KRIT1: variants seen among roughly 807,000 people sequenced by gnomAD.
KRIT1 encodes KRIT1 ankyrin repeat containing, also known as krev interaction trapped protein 1.
In KRIT1, 45 loss-of-function variants were observed where a neutral mutation model predicts 95.8. The observed-to-expected ratio is 0.47, with a 90% CI of 0.37 to 0.60. The LOEUF (loss-of-function observed/expected upper bound fraction) is 0.60. KRIT1 is among the 20% of genes least tolerant of loss of function. KRIT1 has a pLI of 0.00. For synonymous variants in KRIT1, 282 were observed against 278.8 expected (o/e 1.01, Z -0.11); for missense variants, 788 against 877.5 (o/e 0.90, Z 1.29).
chr7:92,212,121 A>C (rs78813715), intron 17 of KRIT1, among the ~76,000 whole-genome samples: 1,844 of 152,176 alleles, frequency 0.012, 21 homozygotes, highest in Non-Finnish European at 0.017. Context: ...TAAATACATA[A>C]ATAAAAAAAT....
At chr7:92,213,050 T>C in intron 17 of KRIT1, 145 bp downstream of exon 17, 1 of 622,528 alleles carries the variant, frequency 1.6e-6, no homozygotes, top group Admixed American at 2.7e-5. Context: ...CTGACAGTGA[T>C]TTAGTGTCCC....
chr7:92,215,768 T>TC (rs1477491328), intron 14 of KRIT1, among the ~76,000 whole-genome samples: 1 of 152,042 alleles, frequency 6.6e-6, no homozygotes, highest in East Asian at 1.9e-4. Flanking sequence ...GATCTTTTTT[T>TC]TTTTTTTTAA....
intron 17 of KRIT1, among the ~76,000 whole-genome samples, chr7:92,209,156 A>T (rs1255893989): frequency 6.6e-6 from 1 of 152,142 alleles, no homozygotes; most frequent in East Asian, 1.9e-4. Flanking sequence ...GTGATGAAAA[A>T]AAAAACCTCT....
At chr7:92,214,556 G>T in intron 15 of KRIT1, 55 bp downstream of exon 15, 1 of 1,317,700 alleles carries the variant, frequency 7.6e-7, no homozygotes, top group Non-Finnish European at 1.1e-6. Flanking sequence ...AAACTTTCTT[G>T]GTTAAACAGA....
rs904770582 is a variant in KRIT1, at chr7:92,234,882, A to C, written c.771T>G (p.Ala257=). The part of the protein sequence containing the change: ...VVINPYFGLG[A]PDYSKIQIPK... Reference sequence around the variant, plus strand: ...GTATTTGGATTTTTGAGTAGTCTGGAGCTCCTAGACCAAAGTATGGATTTA... The same window carrying C: ...GTATTTGGATTTTTGAGTAGTCTGGCGCTCCTAGACCAAAGTATGGATTTA... The change falls in exon 9 of 19, where the codon GCT becomes GCG. Residue 257 remains alanine, a synonymous_variant. Transcript: ENST00000394505. The C allele has an allele frequency of 5.6e-6, 9 of 1,605,044 alleles. No homozygotes were observed. The highest frequency in any genetic ancestry group is 1.7e-5 in the Admixed American group (1 of 59,986).
intron 14 of KRIT1, among the ~76,000 whole-genome samples, chr7:92,216,954 G>C (rs1012357102): frequency 3.3e-5 from 5 of 152,134 alleles, no homozygotes; most frequent in African/African-American, 4.8e-5. Flanking sequence ...ATGCTAAACA[G>C]TAAGTGTAAT....
chr7:92,237,898 G>A, intron 5 of KRIT1, 139 bp from the exon 6 acceptor site: 1 of 610,224 alleles, frequency 1.6e-6, no homozygotes, highest in Non-Finnish European at 3.0e-6. Context: ...TTTATTATAT[G>A]TACTAATAAA....
At chr7:92,230,903 A>G (rs1201914043) in intron 10 of KRIT1, among the ~76,000 whole-genome samples, 1 of 152,180 alleles carries the variant, frequency 6.6e-6, no homozygotes, top group African/African-American at 2.4e-5. Flanking sequence ...AGGAGTAGAA[A>G]CGTTTAGAAT....
At chr7:92,234,330 C>T (rs994699050) in intron 10 of KRIT1, 119 bp downstream of exon 10, 14 of 829,154 alleles carry the variant, frequency 1.7e-5, no homozygotes, top group Non-Finnish European at 2.8e-5. Context: ...CAGAAAACTC[C>T]TAAGGCAAAC....
intron 11 of KRIT1, 52 bp from the exon 12 acceptor site, chr7:92,225,879 C>G: frequency 1.1e-6 from 1 of 936,456 alleles, no homozygotes; most frequent in Non-Finnish European, 1.8e-6. Context: ...TTATGGTATT[C>G]TAAGGGAAAA....
At chr7:92,241,917 A>C in intron 4 of KRIT1, 117 bp downstream of exon 4, 1 of 670,582 alleles carries the variant, frequency 1.5e-6, no homozygotes, top group East Asian at 2.7e-5. Flanking sequence ...ATGGGCAGAG[A>C]CCTAAAATAA....
At chr7:92,242,272 A>C (rs965949867) in intron 3 of KRIT1, 135 bp from the exon 4 acceptor site, 2 of 657,690 alleles carry the variant, frequency 3.0e-6, no homozygotes, top group Non-Finnish European at 5.4e-6. Context: ...AAAAAAAATA[A>C]AATGTTCTCT....
At chr7:92,245,704 A>C (rs1800826684) in intron 1 of KRIT1, 86 bp downstream of exon 1, 1 of 152,390 alleles carries the variant, frequency 6.6e-6, no homozygotes, top group African/African-American at 2.4e-5. Context: ...TCAGTCGCCA[A>C]AAGAAAGCCG....
In KRIT1 at chr7:92,200,554, T is replaced by C. The variant is rs1047129442; in HGVS notation, c.*182A>G. On this transcript the variant is annotated 3_prime_UTR_variant, in exon 19 of 19. Transcript: ENST00000394505. ...TTTTTGTAGAGACAGGGTTTCACCA[T>C]GTTGGCCAGGCTGGTCTTGAACTCT... The C allele has an allele frequency of 1.6e-4, 95 of 597,488 alleles. No homozygotes were observed. Among genetic ancestry groups the C allele is most frequent in the East Asian group, 6.2e-5 (2 of 32,520 alleles). The allele number at this position is 597,488 out of a possible 1,614,324, so 37.0% of individuals were successfully genotyped here. A position where few individuals can be genotyped will look rare whatever the true frequency, so the allele number is the denominator to read the frequency against.
intron 5 of KRIT1, among the ~76,000 whole-genome samples, chr7:92,238,428 T>C (rs1050907925): frequency 3.3e-5 from 5 of 152,228 alleles, no homozygotes; most frequent in Non-Finnish European, 7.3e-5. Flanking sequence ...GCAGGTGGGA[T>C]GCCTTCTGTG....
intron 10 of KRIT1, among the ~76,000 whole-genome samples, chr7:92,230,500 G>A (rs1797056768): frequency 6.6e-6 from 1 of 152,138 alleles, no homozygotes. Flanking sequence ...CAAAAACTCA[G>A]AAAAAGTTAA....
intron 17 of KRIT1, among the ~76,000 whole-genome samples, chr7:92,205,143 T>C (rs777132123): frequency 1.3e-5 from 2 of 152,148 alleles, no homozygotes; most frequent in East Asian, 3.9e-4. Context: ...GGTCAGGTGT[T>C]CGAGACTGGC....
Position 92,236,333 on chromosome 7 carries a change from T to C in KRIT1, c.485+80A>G. 6 of 895,800 alleles carry C rather than the reference T, an allele frequency of 6.7e-6. No homozygotes were observed. In the South Asian group the frequency reaches 8.7e-5, roughly 13 times the overall value. 55.5% of individuals were successfully genotyped at this position (895,800 alleles called of 1,614,324 possible). On this transcript the variant is annotated intron_variant, in intron 7 of 18. Transcript: ENST00000394505. ...TATTTTCATTATTTTCTTCTCAAAG[T>C]GTCTGTATCTATGACAACTAATTTC...
chr7:92,242,197 T>TA (rs913591603), intron 3 of KRIT1, 60 bp from the exon 4 acceptor site: 24 of 914,028 alleles, frequency 2.6e-5, no homozygotes, highest in Admixed American at 3.6e-5. Context: ...GATGGCAAGA[T>TA]AAAAAAAAGT....
Sources: allele counts gnomAD v4.1 joint callset (sites outside exome capture counted in the v4.1 genomes callset), GRCh38; gene constraint gnomAD v4.1.1; transcripts MANE v1.5; gene names NCBI Gene and HGNC (gene_info 2026-07-23, HGNC 2026-07-21).